ANKRD26: variants seen among roughly 807,000 people sequenced by gnomAD.
The protein encoded by ANKRD26 is ankyrin repeat domain 26, also known as ankyrin repeat domain-containing protein 26.
A neutral mutation model predicts 208.7 loss-of-function variants in ANKRD26; 141 were observed. That is an observed-to-expected ratio of 0.68 (90% CI 0.59 to 0.78). The LOEUF is 0.78. Among genes scored for constraint, ANKRD26 ranks in the 30% least tolerant of loss-of-function variants. The pLI is 0.00. For synonymous variants in ANKRD26, 636 were observed against 660.4 expected (o/e 0.96, Z 0.57); for missense variants, 1,889 against 1,938.7 (o/e 0.97, Z 0.48).
intron 16 of ANKRD26, among the ~76,000 whole-genome samples, chr10:27,050,107 C>T (rs1212826758): frequency 2.7e-5 from 4 of 149,738 alleles, no homozygotes; most frequent in Admixed American, 6.7e-5. Context: ...GTAATCCCAG[C>T]TACTCAGGAG....
chr10:27,057,421 T>G (rs1484192565), intron 15 of ANKRD26, among the ~76,000 whole-genome samples: 1 of 152,244 alleles, frequency 6.6e-6, no homozygotes, highest in African/African-American at 2.4e-5. Context: ...TCTTCAGGGA[T>G]ATGAATTTTT....
chr10:27,041,209 T>C (rs946418729), intron 20 of ANKRD26, among the ~76,000 whole-genome samples: 2 of 95,656 alleles, frequency 2.1e-5, no homozygotes, highest in Non-Finnish European at 5.7e-5. Flanking sequence ...AAACGCAAAG[T>C]AGACAGAGAT....
rs1287920673 is a variant in ANKRD26, at chr10:27,013,094, C to T, written c.4741G>A (p.Ala1581Thr). The T allele has an allele frequency of 3.7e-6, 6 of 1,613,796 alleles. No individual in the cohort carries two copies. Among genetic ancestry groups the T allele is most frequent in the Non-Finnish European group, 5.1e-6 (6 of 1,179,848 alleles). The change falls in exon 32 of 34, where the codon GCA becomes ACA. Residue 1581 changes from alanine (A) to threonine (T), a missense_variant. Around this residue, in one of 3 missense-constraint regions of ANKRD26, gnomAD observed 613 missense variants for 648.2 expected, o/e 0.95. Transcript: ENST00000376087. ...SKLTKTNERL[A>T]EVNTKLLVEK... Reference sequence around the variant, plus strand: ...ACAAGAAGTTTGGTGTTGACCTCTGCTAGCCTCTCATTAGTTCTGTGAAGA... The same window carrying T: ...ACAAGAAGTTTGGTGTTGACCTCTGTTAGCCTCTCATTAGTTCTGTGAAGA...
At position 27,093,396 on chromosome 10, in the gene ANKRD26, C is replaced by T. The variant is rs768665450; in HGVS notation, c.484G>A (p.Ala162Thr). The change falls in exon 3 of 34, where the codon GCA becomes ACA. Residue 162 changes from alanine (A) to threonine (T), a missense_variant. Physicochemically the swap from Ala to Thr is moderately conservative, Grantham distance 58. This residue lies in a region of ANKRD26 where 1,272 missense variants were observed against 1,273.8 expected (regional missense o/e 1.00). Coordinates refer to ENST00000376087, the MANE Select transcript of ANKRD26 (RefSeq NM_014915.3). ...YAVYNEDISVATKLLLYDANI... is the reference protein window; with the variant it reads ...YAVYNEDISVTTKLLLYDANI... ...GCATCATACAAAAGCAGCTTTGTTG[C>T]TACTGATATGTCCTCATTATAGACA... 5.0e-6 allele frequency: 8 copies of T among 1,614,016 alleles called. No homozygotes were observed. The highest frequency in any genetic ancestry group is 4.0e-5 in the African/African-American group (3 of 74,924).
chr10:27,076,826 A>G (rs2055715232), intron 9 of ANKRD26, among the ~76,000 whole-genome samples: 1 of 152,184 alleles, frequency 6.6e-6, no homozygotes, highest in African/African-American at 2.4e-5. Context: ...ACAGACCAGT[A>G]ATAAGCAGTG....
the ANKRD26 span, among the ~76,000 whole-genome samples, chr10:26,952,976 G>C: frequency 6.6e-6 from 1 of 152,188 alleles, no homozygotes; most frequent in Non-Finnish European, 1.5e-5. Context: ...GTAACTGAAA[G>C]TGACCAAGGC....
intron 17 of ANKRD26, among the ~76,000 whole-genome samples, chr10:27,047,830 G>A (rs1245325063): frequency 2.6e-5 from 4 of 151,370 alleles, no homozygotes; most frequent in African/African-American, 4.9e-5. Context: ...TGCAACTTCC[G>A]ACTCCCGGGT....
chr10:26,995,430 G>A (rs2052570003), intron 4 of ANKRD26, among the ~76,000 whole-genome samples: 1 of 152,134 alleles, frequency 6.6e-6, no homozygotes, highest in African/African-American at 2.4e-5. Flanking sequence ...ACAGTTCTCT[G>A]ATGGTCATGA....
chr10:26,990,200 T>C (rs1481085578), downstream of ANKRD26, among the ~76,000 whole-genome samples: 2 of 152,158 alleles, frequency 1.3e-5, no homozygotes, highest in Admixed American at 6.5e-5. Flanking sequence ...TGGTTATAGT[T>C]GTCCACTTGA....
chr10:26,991,699 C>T (rs1182904581), downstream of ANKRD26, among the ~76,000 whole-genome samples: 2 of 152,180 alleles, frequency 1.3e-5, no homozygotes, highest in Non-Finnish European at 2.9e-5. Flanking sequence ...CCTCGCCCTC[C>T]CAAAGTGCTG....
chr10:27,094,030 C>CGTGCT (rs2056387714), intron 1 of ANKRD26, among the ~76,000 whole-genome samples: 1 of 152,080 alleles, frequency 6.6e-6, no homozygotes, highest in Admixed American at 6.6e-5. Flanking sequence ...ATGGTTCCCC[C>CGTGCT]GTGCTGCTGC....
chr10:27,071,059 G>A (rs1454979494), intron 9 of ANKRD26, among the ~76,000 whole-genome samples: 1 of 151,350 alleles, frequency 6.6e-6, no homozygotes, highest in Non-Finnish European at 1.5e-5. Context: ...AATTTTGACC[G>A]CTTTCATTTG....
chr10:27,012,760 CA>C, intron 32 of ANKRD26, 121 bp downstream of exon 32: 1 of 921,556 alleles, frequency 1.1e-6, no homozygotes, highest in Admixed American at 2.1e-5. Flanking sequence ...TGCAGTGAGC[CA>C]AGATGGCACC....
intron 4 of ANKRD26, among the ~76,000 whole-genome samples, chr10:27,091,706 G>A (rs879777512): frequency 6.6e-6 from 1 of 152,192 alleles, no homozygotes; most frequent in Admixed American, 6.5e-5. Flanking sequence ...GTTAAAAAGT[G>A]GCCGGGCGCA....
At chr10:27,033,802 T>C (rs948892500) in intron 24 of ANKRD26, among the ~76,000 whole-genome samples, 12 of 152,324 alleles carry the variant, frequency 7.9e-5, no homozygotes, top group African/African-American at 2.6e-4. Context: ...CTCAAATTAT[T>C]CCAATAGATT....
At chr10:27,026,036 T>C (rs2053647456) in intron 27 of ANKRD26, among the ~76,000 whole-genome samples, 1 of 152,240 alleles carries the variant, frequency 6.6e-6, no homozygotes, top group South Asian at 2.1e-4. Context: ...TTTGTCTTTG[T>C]TTTTCTTTCA....
chr10:26,995,569 T>C (rs1158266451), intron 4 of ANKRD26, among the ~76,000 whole-genome samples: 1 of 152,200 alleles, frequency 6.6e-6, no homozygotes, highest in Admixed American at 6.5e-5. Context: ...GGGAGAAATA[T>C]GGTATCCAGT....
At chr10:27,044,004 G>C (rs2054354702) in intron 19 of ANKRD26, among the ~76,000 whole-genome samples, 153 bp downstream of exon 19, 1 of 151,924 alleles carries the variant, frequency 6.6e-6, no homozygotes, top group South Asian at 2.1e-4. Context: ...ATGTTGCCTA[G>C]GCTGGTCTCA....
chr10:26,967,178 CTT>C, the ANKRD26 span, among the ~76,000 whole-genome samples: 5 of 152,142 alleles, frequency 3.3e-5, no homozygotes, highest in African/African-American at 1.2e-4. Context: ...TCTAAAAGCA[CTT>C]GTCAGTTTTG....
Sources: allele counts gnomAD v4.1 joint callset (sites outside exome capture counted in the v4.1 genomes callset), GRCh38; gene constraint gnomAD v4.1.1; regional missense constraint gnomAD v4.1.1; transcripts MANE v1.5; gene names NCBI Gene and HGNC (gene_info 2026-07-23, HGNC 2026-07-21).